AGBL4: variants seen among roughly 807,000 people sequenced by gnomAD.
AGBL4 encodes the protein cytosolic carboxypeptidase 6.
AGBL4 carries 58 observed loss-of-function variants against 66.4 expected under a neutral mutation model. The observed-to-expected ratio is 0.87, with a 90% confidence interval of 0.71 to 1.09. AGBL4 has a LOEUF of 1.09. Ranked by LOEUF, AGBL4 falls within the 50% of genes least tolerant of loss-of-function variation. The pLI is 0.00. For synonymous variants in AGBL4, 234 were observed against 222.9 expected (o/e 1.05, Z -0.44); for missense variants, 579 against 631.0 (o/e 0.92, Z 0.88).
chr1:49,999,551 A>G (rs571282058), intron 1 of AGBL4, among the ~76,000 whole-genome samples: 86 of 152,064 alleles, frequency 5.7e-4, no homozygotes, highest in Non-Finnish European at 8.1e-4. Context: ...AAATACCACC[A>G]TCATTCTTCA....
chr1:49,632,145 C>G (rs1012479717), intron 3 of AGBL4, among the ~76,000 whole-genome samples: 1 of 152,104 alleles, frequency 6.6e-6, no homozygotes, highest in African/African-American at 2.4e-5. Flanking sequence ...AAATAGAAAA[C>G]AAGGGACAAA....
chr1:49,759,958 T>C (rs1305132476), intron 2 of AGBL4, among the ~76,000 whole-genome samples: 1 of 152,158 alleles, frequency 6.6e-6, no homozygotes, highest in African/African-American at 2.4e-5. Context: ...CTGGGGTAAA[T>C]AAGACATGGA....
At chr1:49,721,560 G>A (rs192843958) in intron 2 of AGBL4, among the ~76,000 whole-genome samples, 1,575 of 152,208 alleles carry the variant, frequency 0.01, 5 homozygotes, top group Middle Eastern at 0.02. Flanking sequence ...AGAAAATAAG[G>A]AGCCATTGGA....
intron 6 of AGBL4, among the ~76,000 whole-genome samples, chr1:48,760,143 A>G (rs898005845): frequency 6.6e-6 from 1 of 152,210 alleles, no homozygotes; most frequent in African/African-American, 2.4e-5. Flanking sequence ...GTGGATAGAG[A>G]GAAGAAAGTT....
intron 1 of AGBL4, among the ~76,000 whole-genome samples, chr1:49,912,137 C>T (rs1231654015): frequency 6.6e-6 from 1 of 152,226 alleles, no homozygotes; most frequent in Non-Finnish European, 1.5e-5. Context: ...CTCTGTCCCA[C>T]AGGAGATCCC....
chr1:48,825,165 C>T (rs1363714109), intron 6 of AGBL4, among the ~76,000 whole-genome samples: 2 of 152,138 alleles, frequency 1.3e-5, no homozygotes, highest in Admixed American at 1.3e-4. Flanking sequence ...ATTTCAGCTT[C>T]GAACACAAAC....
chr1:48,684,152 A>T (rs1646495588), intron 6 of AGBL4, among the ~76,000 whole-genome samples: 1 of 152,214 alleles, frequency 6.6e-6, no homozygotes, highest in Admixed American at 6.5e-5. Flanking sequence ...CACTATGACT[A>T]CAGTTAAAGA....
intron 5 of AGBL4, among the ~76,000 whole-genome samples, chr1:49,016,442 C>T (rs12124687): frequency 0.1 from 15,598 of 152,122 alleles, 1,279 homozygotes; most frequent in African/African-American, 0.22. Context: ...GATCAAAGGC[C>T]CTGGGAAGGC....
chr1:48,757,711 G>C (rs1211445657), intron 6 of AGBL4, among the ~76,000 whole-genome samples: 2 of 152,152 alleles, frequency 1.3e-5, no homozygotes, highest in African/African-American at 4.8e-5. Flanking sequence ...AAGTAAATTA[G>C]GGTAAGAATA....
intron 3 of AGBL4, among the ~76,000 whole-genome samples, chr1:49,291,734 G>A (rs1644537658): frequency 6.6e-6 from 1 of 152,204 alleles, no homozygotes; most frequent in South Asian, 2.1e-4. Flanking sequence ...TGGCAGTGGT[G>A]GCCTGTCTGG....
chr1:49,707,191 G>T (rs1481483807), intron 2 of AGBL4, among the ~76,000 whole-genome samples: 1 of 151,968 alleles, frequency 6.6e-6, no homozygotes, highest in East Asian at 1.9e-4. Context: ...CTCTTTGTAG[G>T]TCTCTAAGAA....
At chr1:49,662,892 C>T (rs915449139) in intron 3 of AGBL4, among the ~76,000 whole-genome samples, 1 of 152,078 alleles carries the variant, frequency 6.6e-6, no homozygotes, top group Non-Finnish European at 1.5e-5. Context: ...AAGAACCGTG[C>T]ACATCAGCTT....
chr1:49,540,241 G>C (rs74078142), intron 3 of AGBL4, among the ~76,000 whole-genome samples: 2,795 of 152,162 alleles, frequency 0.018, 80 homozygotes, highest in African/African-American at 0.062. Flanking sequence ...GTTACAATTA[G>C]CCAATCTTTA....
chr1:49,695,191 C>A (rs917082593), intron 3 of AGBL4, among the ~76,000 whole-genome samples: 7 of 152,070 alleles, frequency 4.6e-5, no homozygotes, highest in African/African-American at 1.7e-4. Context: ...GCAGATTATA[C>A]TGCTTCTAAG....
At chr1:49,878,600 T>C (rs1030996274) in intron 1 of AGBL4, among the ~76,000 whole-genome samples, 2 of 152,122 alleles carry the variant, frequency 1.3e-5, no homozygotes, top group Non-Finnish European at 2.9e-5. Context: ...AATTTTGGAA[T>C]AGGTGTGGTG....
chr1:49,107,170 C>T (rs1157351038), intron 4 of AGBL4, among the ~76,000 whole-genome samples: 1 of 152,048 alleles, frequency 6.6e-6, no homozygotes, highest in Non-Finnish European at 1.5e-5. Context: ...CAGCTGTGTA[C>T]TTCAATAATT....
chr1:49,086,154 T>C (rs1644903500), intron 4 of AGBL4, among the ~76,000 whole-genome samples: 2 of 151,638 alleles, frequency 1.3e-5, no homozygotes, highest in Non-Finnish European at 2.9e-5. Flanking sequence ...CGATAGGCAA[T>C]ACCTGCTAGA....
intron 2 of AGBL4, among the ~76,000 whole-genome samples, chr1:49,764,413 T>C (rs371128438): frequency 2.6e-5 from 4 of 151,876 alleles, no homozygotes; most frequent in East Asian, 3.9e-4. Context: ...GTCCCTTGGG[T>C]TCCAATCACA....
intron 3 of AGBL4, among the ~76,000 whole-genome samples, chr1:49,289,941 A>G (rs1177396162): frequency 6.6e-6 from 1 of 152,190 alleles, no homozygotes; most frequent in African/African-American, 2.4e-5. Flanking sequence ...TGAAACTAAT[A>G]AAACCCTAGA....
Sources: allele counts gnomAD v4.1 joint callset (sites outside exome capture counted in the v4.1 genomes callset), GRCh38; gene constraint gnomAD v4.1.1; transcripts MANE v1.5; gene names NCBI Gene and HGNC (gene_info 2026-07-23, HGNC 2026-07-21).